NNT: variants seen among roughly 807,000 people sequenced by gnomAD.
NNT encodes the protein NAD(P) transhydrogenase, mitochondrial.
NNT carries 50 observed loss-of-function variants against 104.8 expected under a neutral mutation model. That is an observed-to-expected ratio of 0.48 (90% CI 0.38 to 0.60). The LOEUF (loss-of-function observed/expected upper bound fraction) is 0.60, where lower values mean the gene tolerates loss of function less well. NNT is among the 20% of genes least tolerant of loss of function. NNT has a pLI of 0.00. For synonymous variants in NNT, 461 were observed against 490.4 expected, an observed-to-expected ratio of 0.94 and a Z score of 0.79; for missense variants, 1,131 against 1,330.7, an observed-to-expected ratio of 0.85 and a Z score of 2.33.
intron 17 of NNT, chr5:43,667,223 A>G (rs1442770981): frequency 4.4e-6 from 5 of 1,148,378 alleles, no homozygotes; most frequent in Non-Finnish European, 6.5e-6. Flanking sequence ...TGGTTCTTGG[A>G]CTTGGCCATG....
At chr5:43,702,522 T>A (rs1203300879) in intron 20 of NNT, 99 bp from the exon 21 acceptor site, 1 of 709,546 alleles carries the variant, frequency 1.4e-6, no homozygotes, top group Admixed American at 3.5e-5. Context: ...ATATTTTTGT[T>A]ATTGTTATTA....
intron 19 of NNT, among the ~76,000 whole-genome samples, chr5:43,688,552 C>T: frequency 6.6e-6 from 1 of 152,026 alleles, no homozygotes; most frequent in East Asian, 1.9e-4. Context: ...ACTCTTTTAT[C>T]CCTTGCCACC....
At chr5:43,645,870 AC>A (rs1304296815) in intron 10 of NNT, among the ~76,000 whole-genome samples, 1 of 150,048 alleles carries the variant, frequency 6.7e-6, no homozygotes, top group Non-Finnish European at 1.5e-5. Context: ...ACCCACCACC[AC>A]CCCTGGGTAA....
chr5:43,628,927 T>A (rs549792325), intron 7 of NNT, among the ~76,000 whole-genome samples: 1 of 149,202 alleles, frequency 6.7e-6, no homozygotes, highest in Non-Finnish European at 1.5e-5. Flanking sequence ...TTATACTGTG[T>A]GTACAATGTT....
chr5:43,606,092 G>T (rs1749213557), intron 1 of NNT, among the ~76,000 whole-genome samples: 1 of 152,132 alleles, frequency 6.6e-6, no homozygotes, highest in Non-Finnish European at 1.5e-5. Context: ...GAGGCAGGGG[G>T]AGGTTCAGGT....
chr5:43,679,550 G>T (rs1741592931), intron 19 of NNT, among the ~76,000 whole-genome samples: 1 of 152,140 alleles, frequency 6.6e-6, no homozygotes, highest in Non-Finnish European at 1.5e-5. Flanking sequence ...TAAGGGAAAT[G>T]TCAAAGGAAA....
At chr5:43,668,244 G>GTTTTT (rs57590117) in intron 17 of NNT, among the ~76,000 whole-genome samples, 265 of 138,304 alleles carry the variant, frequency 1.9e-3, no homozygotes, top group African/African-American at 6.8e-3. Flanking sequence ...TCTGATGGTG[G>GTTTTT]TTTTTTTTTT....
intron 6 of NNT, among the ~76,000 whole-genome samples, chr5:43,624,638 G>T (rs1750271132): frequency 1.3e-5 from 2 of 152,150 alleles, no homozygotes; most frequent in African/African-American, 4.8e-5. Flanking sequence ...TTGAGCCCCT[G>T]GGTGAAAGTA....
intron 7 of NNT, among the ~76,000 whole-genome samples, chr5:43,636,999 G>C (rs1750961652): frequency 6.6e-6 from 1 of 152,070 alleles, no homozygotes; most frequent in Non-Finnish European, 1.5e-5. Flanking sequence ...ATATCTCAAG[G>C]GGTCCAGTTT....
At chr5:43,621,061 T>A (rs1470106150) in intron 5 of NNT, among the ~76,000 whole-genome samples, 12 of 152,260 alleles carry the variant, frequency 7.9e-5, no homozygotes, top group Admixed American at 7.8e-4. Flanking sequence ...TTGAAGGCAC[T>A]GGTATAGCTC....
chr5:43,640,860 A>T (rs1209642888), intron 7 of NNT, among the ~76,000 whole-genome samples: 1 of 150,928 alleles, frequency 6.6e-6, no homozygotes, highest in Non-Finnish European at 1.5e-5. Context: ...TATACATCAT[A>T]TATATCTATA....
intron 17 of NNT, chr5:43,666,982 T>C: frequency 6.3e-7 from 1 of 1,595,312 alleles, no homozygotes; most frequent in Non-Finnish European, 8.5e-7. Context: ...CTTTGGGATC[T>C]TGGGCTTAAC....
chr5:43,656,868 G>C, intron 16 of NNT, 55 bp downstream of exon 16: 1 of 1,516,176 alleles, frequency 6.6e-7, no homozygotes, highest in Non-Finnish European at 8.9e-7. Context: ...GGAATATTTT[G>C]TTAGATTAAA....
At chr5:43,631,619 G>A (rs961361686) in intron 7 of NNT, among the ~76,000 whole-genome samples, 3 of 152,196 alleles carry the variant, frequency 2.0e-5, no homozygotes, top group Non-Finnish European at 4.4e-5. Context: ...AATTTGAATA[G>A]AGTATATAGA....
Position 43,677,790 on chromosome 5 carries a change from C to G in NNT, c.2860C>G (p.Gln954Glu), listed in dbSNP as rs1488503249. 6.2e-7 allele frequency: 1 copy of G among 1,613,492 alleles called. No individual in the cohort carries two copies. The highest frequency in any genetic ancestry group is 8.5e-7 in the Non-Finnish European group (1 of 1,179,566). Residue 954 changes from glutamine (Q) to glutamate (E), a missense_variant, in exon 19 of 22, where the codon CAA becomes GAA. Coordinates refer to ENST00000344920, the MANE Select transcript of NNT (RefSeq NM_182977.3). ...IADLVKMLTE[Q>E]GKKVRFGIHP... ...TGATTTGGTAAAGATGCTCACTGAG[C>G]AAGGCAAAAAAGTCAGGTAAGCGTT...
chr5:43,632,163 C>T (rs539083076), intron 7 of NNT, among the ~76,000 whole-genome samples: 4 of 152,208 alleles, frequency 2.6e-5, no homozygotes, highest in Admixed American at 2.6e-4. Context: ...GGCATTATAC[C>T]TTTACTGGTT....
intron 13 of NNT, among the ~76,000 whole-genome samples, 189 bp from the exon 14 acceptor site, chr5:43,652,829 G>A (rs971912502): frequency 9.9e-5 from 15 of 151,978 alleles, no homozygotes; most frequent in African/African-American, 3.4e-4. Context: ...TTAAATTTAG[G>A]TACTTTTATG....
chr5:43,664,259 G>T (rs939959499), intron 17 of NNT, among the ~76,000 whole-genome samples: 3 of 152,172 alleles, frequency 2.0e-5, no homozygotes, highest in African/African-American at 7.2e-5. Flanking sequence ...CAGTTTCTTT[G>T]TTTGTGATAG....
At chr5:43,626,820 AAT>A (rs1440070866) in intron 6 of NNT, among the ~76,000 whole-genome samples, 2 of 150,676 alleles carry the variant, frequency 1.3e-5, no homozygotes, top group African/African-American at 4.9e-5. Context: ...GTGTATATAT[AAT>A]ATATATGTCT....
Sources: gnomAD v4.1 joint callset for allele counts (sites outside exome capture counted in the v4.1 genomes callset) on GRCh38, gnomAD v4.1.1 for gene constraint, MANE v1.5 for transcripts, NCBI Gene and HGNC (gene_info 2026-07-23, HGNC 2026-07-21) for gene names.